KIAA1328: variants seen among roughly 807,000 people sequenced by gnomAD.
KIAA1328 encodes the protein KIAA1328, also known as protein hinderin.
Under a neutral mutation model 68.1 loss-of-function variants are expected in KIAA1328, and 52 were observed. That is an observed-to-expected ratio of 0.76 (90% CI 0.61 to 0.96). The LOEUF is 0.96. Ranked by LOEUF, KIAA1328 falls within the 40% of genes least tolerant of loss-of-function variation. KIAA1328 has a pLI of 0.00. For synonymous variants in KIAA1328, 232 were observed against 239.4 expected, an observed-to-expected ratio of 0.97 and a Z score of 0.28; for missense variants, 641 against 677.6, an observed-to-expected ratio of 0.95 and a Z score of 0.60.
chr18:36,846,510 T>A (rs2047034038), intron 4 of KIAA1328, among the ~76,000 whole-genome samples: 1 of 151,596 alleles, frequency 6.6e-6, no homozygotes, highest in Admixed American at 6.6e-5. Flanking sequence ...AGTTTTTAAG[T>A]GCAGATTTCA....
At chr18:36,927,871 AAG>A (rs1473937755) in intron 5 of KIAA1328, among the ~76,000 whole-genome samples, 1 of 152,186 alleles carries the variant, frequency 6.6e-6, no homozygotes, top group East Asian at 1.9e-4. Flanking sequence ...GAAAGAAAGA[AAG>A]AGAAAAAGAG....
Position 36,959,372 on chromosome 18 carries a change from A to G in KIAA1328, c.513A>G (p.Glu171=). ...LLSLYQKYLS[E]QQEKLTMSLS... is the part of the protein sequence containing the mutation. ...GCCTGTATCAGAAATATTTATCAGA[A>G]CAACAGGAGAAGCTCACCATGTCTC... Residue 171 remains glutamate, a synonymous_variant, in exon 6 of 10, where the codon GAA becomes GAG. Transcript: ENST00000280020. 1 of 1,608,892 alleles carries G rather than the reference A, an allele frequency of 6.2e-7. No homozygotes were observed. The highest frequency in any genetic ancestry group is 1.1e-5 in the South Asian group (1 of 89,804).
intron 3 of KIAA1328, among the ~76,000 whole-genome samples, chr18:36,840,335 T>G (rs2046817441): frequency 1.3e-5 from 2 of 152,228 alleles, no homozygotes; most frequent in Admixed American, 1.3e-4. Flanking sequence ...TTACTCCATC[T>G]GGGCTAGAAG....
At chr18:36,853,170 G>C (rs1002056819) in intron 4 of KIAA1328, among the ~76,000 whole-genome samples, 1 of 151,960 alleles carries the variant, frequency 6.6e-6, no homozygotes, top group Admixed American at 6.6e-5. Flanking sequence ...TTCAACCTTT[G>C]TGTCTTTTGA....
At chr18:37,143,190 A>C (rs2058811877) in intron 7 of KIAA1328, among the ~76,000 whole-genome samples, 1 of 152,078 alleles carries the variant, frequency 6.6e-6, no homozygotes, top group African/African-American at 2.4e-5. Context: ...CCTGGCCTCA[A>C]GTAATCTCCC....
At chr18:37,004,903 G>A (rs527620873) in intron 6 of KIAA1328, among the ~76,000 whole-genome samples, 1 of 152,088 alleles carries the variant, frequency 6.6e-6, no homozygotes, top group Non-Finnish European at 1.5e-5. Context: ...ATGTATGATG[G>A]ATTACTACTC....
intron 6 of KIAA1328, among the ~76,000 whole-genome samples, chr18:36,983,962 A>G (rs1324033883): frequency 6.6e-6 from 1 of 152,168 alleles, no homozygotes; most frequent in East Asian, 1.9e-4. Flanking sequence ...TTGGAAACCA[A>G]TTAACACAAT....
At chr18:37,099,457 T>G (rs529827421) in intron 7 of KIAA1328, among the ~76,000 whole-genome samples, 4 of 152,348 alleles carry the variant, frequency 2.6e-5, no homozygotes, top group Admixed American at 6.5e-5. Flanking sequence ...TTTTAATTTC[T>G]GATCTTTTAC....
rs1199215512 is a variant in KIAA1328, at chr18:37,084,248, CAGTT to C, written c.1232+16705_1232+16708del. 5.7e-6 allele frequency: 8 copies of C among 1,399,466 alleles called. No homozygotes were observed. In the African/African-American group the frequency reaches 1.2e-4, roughly 21 times the overall value. The allele number at this position is 1,399,466 out of a possible 1,614,324, so 86.7% of individuals were successfully genotyped here. A position where few individuals can be genotyped will look rare whatever the true frequency, so the allele number is the denominator to read the frequency against. ...CTGGACCAAGGTAAACCTGAAGTCT[CAGTT>C]AAAACAAGAATCTTAAGGGCATAAA... On this transcript the variant is annotated intron_variant, in intron 7 of 9. Coordinates refer to ENST00000280020, the MANE Select transcript of KIAA1328 (RefSeq NM_020776.3).
chr18:37,059,629 G>A (rs930736795), intron 6 of KIAA1328, among the ~76,000 whole-genome samples: 6 of 152,158 alleles, frequency 3.9e-5, no homozygotes, highest in African/African-American at 1.4e-4. Context: ...AAGACAGTGT[G>A]GCGATTCCTC....
chr18:37,225,266 A>G lies in KIAA1328; in HGVS notation c.*3039A>G. The G allele has an allele frequency of 2.0e-6, 2 of 985,408 alleles. No individual in the cohort carries two copies. Among genetic ancestry groups the G allele is most frequent in the Non-Finnish European group, 1.2e-6 (1 of 829,896 alleles). 61.0% of individuals were successfully genotyped at this position (985,408 alleles called of 1,614,324 possible). A position where few individuals can be genotyped will look rare whatever the true frequency, so the allele number is the denominator to read the frequency against. The stretch of plus-strand genomic sequence containing the variant: ...ATCCTCAGCTCAGAGTGTATTTTGA[A>G]TATGAGCAAATGTTTATGTACGTAT... On this transcript the variant is annotated 3_prime_UTR_variant, in exon 10 of 10. Coordinates refer to ENST00000280020, the MANE Select transcript of KIAA1328 (RefSeq NM_020776.3).
chr18:37,216,334 T>C (rs1395767548), intron 9 of KIAA1328, among the ~76,000 whole-genome samples: 1 of 152,240 alleles, frequency 6.6e-6, no homozygotes, highest in East Asian at 1.9e-4. Context: ...CCAGATATTC[T>C]GGTACGTCAT....
chr18:37,193,714 G>T, intron 9 of KIAA1328: 1 of 669,442 alleles, frequency 1.5e-6, no homozygotes, highest in South Asian at 1.6e-5. Flanking sequence ...GTCCAGCTGG[G>T]TTAAATACTC....
intron 9 of KIAA1328, among the ~76,000 whole-genome samples, chr18:37,181,505 C>A (rs2059698112): frequency 6.6e-6 from 1 of 152,004 alleles, no homozygotes; most frequent in Admixed American, 6.6e-5. Flanking sequence ...GTAATTCCCA[C>A]TGTTAAAAGC....
intron 7 of KIAA1328, chr18:37,075,075 C>A (rs1346606893): frequency 3.4e-4 from 52 of 151,832 alleles, no homozygotes. Context: ...TTAAGGGCAG[C>A]CAGAGAGAAA....
chr18:36,915,707 T>G (rs1172752316), intron 5 of KIAA1328, among the ~76,000 whole-genome samples: 1 of 152,164 alleles, frequency 6.6e-6, no homozygotes, highest in Non-Finnish European at 1.5e-5. Context: ...GCAGGGGAAC[T>G]GAAATTCTCA....
intron 7 of KIAA1328, among the ~76,000 whole-genome samples, chr18:37,111,990 G>T (rs2151904977): frequency 6.6e-6 from 1 of 152,300 alleles, no homozygotes. Context: ...GTCCGCCATT[G>T]CTAAGGCTTG....
At chr18:37,004,477 A>G (rs762824854) in intron 6 of KIAA1328, among the ~76,000 whole-genome samples, 1 of 152,146 alleles carries the variant, frequency 6.6e-6, no homozygotes, top group African/African-American at 2.4e-5. Context: ...AAAAGAATAT[A>G]TACAAATGGC....
chr18:37,031,632 C>T (rs2054833086), intron 6 of KIAA1328, among the ~76,000 whole-genome samples: 1 of 152,136 alleles, frequency 6.6e-6, no homozygotes, highest in East Asian at 1.9e-4. Context: ...TGTCTCTGGA[C>T]TTATATTGGA....
Sources: gnomAD v4.1 joint callset for allele counts (sites outside exome capture counted in the v4.1 genomes callset) on GRCh38, gnomAD v4.1.1 for gene constraint, MANE v1.5 for transcripts, NCBI Gene and HGNC (gene_info 2026-07-23, HGNC 2026-07-21) for gene names.